The following NRXN1 variants were observed in gnomAD, a reference collection of about 807,000 sequenced individuals.
The protein encoded by NRXN1 is neurexin-1.
NRXN1 carries 39 observed loss-of-function variants against 150.9 expected under a neutral mutation model. That is an observed-to-expected ratio of 0.26 (90% CI 0.20 to 0.34). The LOEUF (loss-of-function observed/expected upper bound fraction) is 0.34, where lower values mean the gene tolerates loss of function less well. Among genes scored for constraint, NRXN1 ranks in the 10% least tolerant of loss-of-function variants. The pLI is 1.00. For synonymous variants in NRXN1, 924 were observed against 757.0 expected (o/e 1.22, Z -3.62); for missense variants, 1,815 against 1,949.9 (o/e 0.93, Z 1.30).
intron 19 of NRXN1, among the ~76,000 whole-genome samples, chr2:50,069,369 G>A (rs1257389621): frequency 6.6e-6 from 1 of 152,090 alleles, no homozygotes; most frequent in African/African-American, 2.4e-5. Context: ...AATGGCCCAT[G>A]GTCCCAGGTA....
At chr2:49,941,499 C>T (rs182371877) in intron 22 of NRXN1, among the ~76,000 whole-genome samples, 10 of 151,856 alleles carry the variant, frequency 6.6e-5, no homozygotes, top group Admixed American at 6.6e-4. Flanking sequence ...AGCAATGGCT[C>T]GAAGAACTGG....
At chr2:50,920,760 G>C (rs1047690443) in intron 5 of NRXN1, among the ~76,000 whole-genome samples, 1 of 151,750 alleles carries the variant, frequency 6.6e-6, no homozygotes, top group African/African-American at 2.4e-5. Flanking sequence ...CTTAATATGA[G>C]ATTAAATTAT....
chr2:50,229,733 CT>C (rs1160718307), intron 18 of NRXN1, among the ~76,000 whole-genome samples: 3 of 152,096 alleles, frequency 2.0e-5, no homozygotes, highest in African/African-American at 7.2e-5. Context: ...TACACAGGAA[CT>C]AATCACACAC....
intron 9 of NRXN1, among the ~76,000 whole-genome samples, chr2:50,550,686 A>T (rs973697774): frequency 1.0e-4 from 15 of 145,368 alleles, no homozygotes; most frequent in Non-Finnish European, 1.7e-4. Flanking sequence ...TTTATTTTTT[A>T]TTTTTTTTTA....
At chr2:50,530,189 A>C (rs528348722) in intron 11 of NRXN1, among the ~76,000 whole-genome samples, 1 of 152,270 alleles carries the variant, frequency 6.6e-6, no homozygotes, top group Admixed American at 6.5e-5. Context: ...TAACACTGAA[A>C]ATTTGGGCAG....
rs139496282 is a variant in NRXN1, at chr2:49,946,581, G to A, written c.4129-2790C>T. On this transcript the variant is annotated intron_variant, in intron 21 of 22. Transcript: ENST00000401669. ...TGTATAAGGTGTAAGGAAGGGGTCC[G>A]GTTTCAGTTTCCTGCATATGTCTAG... Among the ~76,000 whole-genome samples the A allele has an allele frequency of 3.6e-3, 552 of 152,024 alleles. 4 individuals are homozygous for A. The highest frequency in any genetic ancestry group is 0.013 in the African/African-American group (524 of 41,478).
At chr2:50,829,219 G>T (rs1168165016) in intron 5 of NRXN1, among the ~76,000 whole-genome samples, 1 of 151,874 alleles carries the variant, frequency 6.6e-6, no homozygotes, top group Non-Finnish European at 1.5e-5. Flanking sequence ...GGAGACCGTG[G>T]AAAGAGAGGG....
At chr2:50,902,665 G>A (rs1490579203) in intron 5 of NRXN1, among the ~76,000 whole-genome samples, 1 of 152,160 alleles carries the variant, frequency 6.6e-6, no homozygotes, top group Non-Finnish European at 1.5e-5. Context: ...CATGCATGGT[G>A]TAGTTTGACC....
At chr2:50,980,878 A>G (rs1268343376) in intron 2 of NRXN1, among the ~76,000 whole-genome samples, 1 of 152,134 alleles carries the variant, frequency 6.6e-6, no homozygotes, top group Non-Finnish European at 1.5e-5. Flanking sequence ...TATCTATGGT[A>G]GAATAATCTT....
intron 2 of NRXN1, among the ~76,000 whole-genome samples, chr2:50,931,896 C>T (rs1333507109): frequency 6.6e-6 from 1 of 151,784 alleles, no homozygotes; most frequent in Non-Finnish European, 1.5e-5. Flanking sequence ...GAGTCTCACT[C>T]TGTTGCCAAG....
At position 50,641,577 on chromosome 2, in the gene NRXN1, A is replaced by T. The variant is rs573975458; in HGVS notation, c.833-17962T>A. On this transcript the variant is annotated intron_variant, in intron 5 of 22. Coordinates refer to ENST00000401669, the MANE Select transcript of NRXN1 (RefSeq NM_001330078.2). ...ACATCAGAATTCTATACAAAATGGAAAGTTTTATTCTTCCCAGCAATTCCA... is the reference window on the plus strand; with the variant it reads ...ACATCAGAATTCTATACAAAATGGATAGTTTTATTCTTCCCAGCAATTCCA... 5.3e-5 allele frequency among the ~76,000 whole-genome samples: 8 copies of T among 152,124 alleles called. No individual in the cohort carries two copies. The South Asian group carries it at 1.7e-3, about 32-fold the overall frequency.
Position 50,214,886 on chromosome 2 carries a change from G to A in NRXN1, c.3546+21903C>T, listed in dbSNP as rs759491737. Among the ~76,000 whole-genome samples the A allele has an allele frequency of 3.9e-4, 59 of 152,068 alleles. 1 individual carries two copies. In the Middle Eastern group the frequency reaches 0.01, roughly 26 times the overall value. On this transcript the variant is annotated intron_variant, in intron 18 of 22. Coordinates refer to ENST00000401669, the MANE Select transcript of NRXN1 (RefSeq NM_001330078.2). ...ATAATTCTATAAGGTGGATAGGAAA[G>A]TATTATTATCTCGACTTTATAAACT...
At chr2:50,183,813 C>G (rs1271937182) in intron 18 of NRXN1, among the ~76,000 whole-genome samples, 6 of 151,674 alleles carry the variant, frequency 4.0e-5, no homozygotes, top group Non-Finnish European at 7.4e-5. Context: ...GAAACTGATA[C>G]AATGGATTTA....
At position 50,757,494 on chromosome 2, in the gene NRXN1, T is replaced by C. The variant is rs547790343; in HGVS notation, c.833-133879A>G. 4.0e-5 allele frequency among the ~76,000 whole-genome samples: 6 copies of C among 151,886 alleles called. No homozygotes were observed. In the South Asian group the frequency reaches 1.2e-3, roughly 31 times the overall value. ...ACACATTCTAATACTCATATGAAAATATCCCATGGATCCCCAAAATATGTA... is the reference window on the plus strand; with the variant it reads ...ACACATTCTAATACTCATATGAAAACATCCCATGGATCCCCAAAATATGTA... On this transcript the variant is annotated intron_variant, in intron 5 of 22. Transcript: ENST00000401669.
chr2:50,903,580 C>A (rs989776664), intron 5 of NRXN1, among the ~76,000 whole-genome samples: 5 of 152,056 alleles, frequency 3.3e-5, no homozygotes, highest in African/African-American at 1.2e-4. Context: ...CCACAACATA[C>A]CTTATGGGCC....
intron 17 of NRXN1, among the ~76,000 whole-genome samples, chr2:50,252,260 T>TTC (rs2067195240): frequency 3.8e-5 from 1 of 26,286 alleles, no homozygotes; most frequent in African/African-American, 1.6e-4. Context: ...TTTCTTTTCT[T>TTC]TTTTTTTTTT....
At chr2:50,992,213 T>C (rs578203915) in intron 2 of NRXN1, among the ~76,000 whole-genome samples, 3 of 152,138 alleles carry the variant, frequency 2.0e-5, no homozygotes, top group Admixed American at 6.6e-5. Context: ...TTATTTAGTA[T>C]AAATTTTGCA....
chr2:50,205,920 A>G (rs1382834335), intron 18 of NRXN1, among the ~76,000 whole-genome samples: 1 of 152,038 alleles, frequency 6.6e-6, no homozygotes, highest in African/African-American at 2.4e-5. Flanking sequence ...ATATGGAGAA[A>G]AAGTAGTAGT....
intron 12 of NRXN1, among the ~76,000 whole-genome samples, chr2:50,524,916 C>T (rs927367127): frequency 5.9e-5 from 9 of 152,040 alleles, no homozygotes; most frequent in East Asian, 3.9e-4. Context: ...TTGGATGTAT[C>T]GTTTGGAATT....
Sources: gnomAD v4.1 joint callset for allele counts (sites outside exome capture counted in the v4.1 genomes callset) on GRCh38, gnomAD v4.1.1 for gene constraint, MANE v1.5 for transcripts, NCBI Gene and HGNC (gene_info 2026-07-23, HGNC 2026-07-21) for gene names.